The following PDE1C variants were observed in gnomAD, a reference collection of about 807,000 sequenced individuals.
PDE1C encodes the protein dual specificity calcium/calmodulin-dependent 3',5'-cyclic nucleotide phosphodiesterase 1C.
A neutral mutation model predicts 93.1 loss-of-function variants in PDE1C; 62 were observed. That is an observed-to-expected ratio of 0.67 (90% confidence interval 0.54 to 0.82). PDE1C has a LOEUF of 0.82. Among genes scored for constraint, PDE1C ranks in the 40% least tolerant of loss-of-function variants. The pLI, the probability that PDE1C is intolerant of heterozygous loss-of-function variation, is 0.00. For synonymous variants in PDE1C, 325 were observed against 310.1 expected (o/e 1.05, Z -0.50); for missense variants, 742 against 884.6 (o/e 0.84, Z 2.04).
At chr7:32,414,898 AT>A (rs1224154191) in intron 1 of PDE1C, among the ~76,000 whole-genome samples, 1 of 152,204 alleles carries the variant, frequency 6.6e-6, no homozygotes, top group African/African-American at 2.4e-5. Context: ...GAAAAGTAAT[AT>A]TCTAAGTTAA....
intron 1 of PDE1C, among the ~76,000 whole-genome samples, chr7:32,229,457 G>C (rs1807528659): frequency 6.6e-6 from 1 of 152,208 alleles, no homozygotes; most frequent in Non-Finnish European, 1.5e-5. Flanking sequence ...GGGTCGCATT[G>C]ATTCTGTGGG....
intron 3 of PDE1C, among the ~76,000 whole-genome samples, chr7:32,102,215 C>T (rs74929325): frequency 0.011 from 1,632 of 152,226 alleles, 18 homozygotes; most frequent in Non-Finnish European, 0.015. Flanking sequence ...ATCCTTCTTC[C>T]GTCTTGTTTG....
intron 1 of PDE1C, among the ~76,000 whole-genome samples, chr7:32,273,922 C>G (rs1811127459): frequency 6.6e-6 from 1 of 152,208 alleles, no homozygotes; most frequent in African/African-American, 2.4e-5. Flanking sequence ...GTTAGAATAA[C>G]AATCTCGCTG....
At chr7:31,708,274 GA>G in the PDE1C span, 1 of 152,234 alleles carries the variant, frequency 6.6e-6, no homozygotes, top group East Asian at 1.9e-4. Flanking sequence ...ATAGACAGGA[GA>G]GAGGTGAGAA....
chr7:31,875,696 A>G (rs1796459357), intron 5 of PDE1C, among the ~76,000 whole-genome samples: 1 of 150,358 alleles, frequency 6.7e-6, no homozygotes, highest in African/African-American at 2.5e-5. Flanking sequence ...CTGAGTCACA[A>G]AACAGATGCC....
chr7:32,214,230 T>TAA (rs1806260090), intron 1 of PDE1C, among the ~76,000 whole-genome samples: 2 of 152,026 alleles, frequency 1.3e-5, no homozygotes, highest in Non-Finnish European at 2.9e-5. Context: ...TATATATATA[T>TAA]AAAATATGTT....
At chr7:32,323,758 AC>A (rs1783347755) in intron 1 of PDE1C, among the ~76,000 whole-genome samples, 1 of 152,182 alleles carries the variant, frequency 6.6e-6, no homozygotes, top group Admixed American at 6.5e-5. Context: ...CCCAATTAGG[AC>A]CTGAGGATGA....
chr7:31,939,805 C>T (rs1805575420), intron 2 of PDE1C, among the ~76,000 whole-genome samples: 1 of 152,034 alleles, frequency 6.6e-6, no homozygotes. Context: ...TAACAAAGGT[C>T]AATACACAAT....
At chr7:31,930,335 G>A (rs1161160629) in intron 2 of PDE1C, among the ~76,000 whole-genome samples, 1 of 152,184 alleles carries the variant, frequency 6.6e-6, no homozygotes, top group East Asian at 1.9e-4. Context: ...GAGGTACAAA[G>A]AGGAGCTGGT....
chr7:32,056,389 A>ACACACAC (rs1794108535), intron 1 of PDE1C, among the ~76,000 whole-genome samples: 1 of 151,196 alleles, frequency 6.6e-6, no homozygotes, highest in African/African-American at 2.4e-5. Flanking sequence ...ACACACACAC[A>ACACACAC]CACACACACA....
At chr7:31,839,206 G>T (rs919219700) in intron 9 of PDE1C, among the ~76,000 whole-genome samples, 1 of 140,518 alleles carries the variant, frequency 7.1e-6, no homozygotes, top group Non-Finnish European at 1.5e-5. Context: ...ACATACATAC[G>T]TATATGTGTG....
intron 1 of PDE1C, among the ~76,000 whole-genome samples, chr7:32,217,912 GGCTGTGGTCTTGTTAAAAT>G (rs1328815453): frequency 6.6e-6 from 1 of 152,210 alleles, no homozygotes; most frequent in East Asian, 1.9e-4. Context: ...CCTTTCACAA[GGCTGTGGTCTTGTTAAAAT>G]GCACATTAAT....
chr7:32,227,011 C>A (rs1807330420), intron 1 of PDE1C, among the ~76,000 whole-genome samples: 1 of 152,126 alleles, frequency 6.6e-6, no homozygotes, highest in South Asian at 2.1e-4. Flanking sequence ...TCTTCCTTCC[C>A]CACATTTGCC....
intron 2 of PDE1C, among the ~76,000 whole-genome samples, chr7:32,187,993 T>G (rs886445031): frequency 2.6e-5 from 4 of 152,214 alleles, no homozygotes; most frequent in Non-Finnish European, 4.4e-5. Flanking sequence ...CCTTGAATTC[T>G]TTCCAAGAAT....
chr7:32,195,508 G>A (rs967442300), intron 2 of PDE1C, among the ~76,000 whole-genome samples: 3 of 152,098 alleles, frequency 2.0e-5, no homozygotes, highest in African/African-American at 4.8e-5. Flanking sequence ...CTATGAGTAA[G>A]ATGTCTCTTT....
intron 16 of PDE1C, among the ~76,000 whole-genome samples, chr7:31,802,143 C>T (rs998917406): frequency 1.3e-5 from 2 of 151,140 alleles, no homozygotes; most frequent in Admixed American, 6.6e-5. Flanking sequence ...TTCTTTGTTC[C>T]CTTCTTACTC....
At chr7:32,185,170 G>A (rs535151746) in intron 2 of PDE1C, among the ~76,000 whole-genome samples, 5 of 149,550 alleles carry the variant, frequency 3.3e-5, no homozygotes, top group African/African-American at 9.8e-5. Context: ...GCTTGAACCC[G>A]GGAGGCTGAG....
At chr7:32,342,295 G>A (rs1554309355) in intron 1 of PDE1C, among the ~76,000 whole-genome samples, 1 of 152,058 alleles carries the variant, frequency 6.6e-6, no homozygotes, top group African/African-American at 2.4e-5. Context: ...AATTTTATAT[G>A]TTCAATCCCT....
the PDE1C span, among the ~76,000 whole-genome samples, chr7:31,644,509 C>T: frequency 6.6e-6 from 1 of 152,132 alleles, no homozygotes; most frequent in African/African-American, 2.4e-5. Context: ...CTCTTATAAT[C>T]AATTTTTGTG....
Sources: gnomAD v4.1 joint callset for allele counts (sites outside exome capture counted in the v4.1 genomes callset) on GRCh38, gnomAD v4.1.1 for gene constraint, MANE v1.5 for transcripts, NCBI Gene and HGNC (gene_info 2026-07-23, HGNC 2026-07-21) for gene names.